TBC1D22A: variants seen among roughly 807,000 people sequenced by gnomAD.
TBC1D22A encodes the protein putative GTPase activator.
In TBC1D22A, 38 loss-of-function variants were observed where a neutral mutation model predicts 60.2. The observed-to-expected ratio is 0.63, with a 90% CI of 0.49 to 0.83. The LOEUF is 0.83. TBC1D22A is among the 40% of genes least tolerant of loss of function. The probability of loss-of-function intolerance (pLI) is 0.00; values close to 1 mark genes in which losing one functional copy is unlikely to be tolerated. For missense variants in TBC1D22A, 628 were observed against 701.0 expected, an observed-to-expected ratio of 0.90 and a Z score of 1.18; for synonymous variants, 302 against 281.7, an observed-to-expected ratio of 1.07 and a Z score of -0.72.
chr22:46,855,887 T>C (rs559436575), intron 4 of TBC1D22A, among the ~76,000 whole-genome samples: 3 of 152,376 alleles, frequency 2.0e-5, no homozygotes, highest in East Asian at 1.9e-4. Flanking sequence ...TGCATACTTA[T>C]CTAAAATTAA....
rs138250731 is a variant in TBC1D22A at position 47,047,288 on chromosome 22, C to T, written c.1329+10090C>T. On this transcript the variant is annotated intron_variant, in intron 11 of 12. Coordinates refer to ENST00000337137, the MANE Select transcript of TBC1D22A (RefSeq NM_014346.5). The stretch of plus-strand genomic sequence containing the variant: ...TTAGAAAGAAAGGAATACACATAGC[C>T]TATTAATGAAGGCTGCATATTAAAT... Among the ~76,000 whole-genome samples, 4 of 152,328 alleles carry T rather than the reference C, an allele frequency of 2.6e-5. No individual in the cohort carries two copies. The East Asian group carries it at 7.7e-4, about 29-fold the overall frequency.
In TBC1D22A at chr22:46,852,764, G is replaced by A. The variant is rs575396108; in HGVS notation, c.638-25889G>A. On this transcript the variant is annotated intron_variant, in intron 4 of 12. Transcript: ENST00000337137. ...CCTCCGTCTGAGCTCCGTCCATCTC[G>A]CCTTGTGTAAAGTTGGCTGTTTCCT... Among the ~76,000 whole-genome samples, 22 of 152,194 alleles carry A rather than the reference G, an allele frequency of 1.4e-4. 1 individual carries two copies. In the South Asian group the frequency reaches 2.3e-3, roughly 16 times the overall value.
In TBC1D22A at chr22:46,846,622, A is replaced by G. The variant is rs560465257; in HGVS notation, c.638-32031A>G. Among the ~76,000 whole-genome samples, 10 of 152,388 alleles carry G rather than the reference A, an allele frequency of 6.6e-5. No homozygotes were observed. In the South Asian group the frequency reaches 2.1e-3, roughly 32 times the overall value. On this transcript the variant is annotated intron_variant, in intron 4 of 12. Transcript: ENST00000337137. ...TTATAAAAAATTTCAAACATGCACA[A>G]AGATCGAGAGAACAGTGCAGTGAAG...
intron 7 of TBC1D22A, among the ~76,000 whole-genome samples, 173 bp downstream of exon 7, chr22:46,895,019 T>TCAGCA (rs2068600578): frequency 1.3e-5 from 2 of 152,192 alleles, no homozygotes; most frequent in African/African-American, 4.8e-5. Context: ...CTTCTATTTG[T>TCAGCA]TCTTTAAATA....
chr22:46,763,150 C>G (rs1485748173), intron 1 of TBC1D22A: 3 of 380,972 alleles, frequency 7.9e-6, no homozygotes, highest in Non-Finnish European at 1.4e-5. Flanking sequence ...CTGGAAGGAA[C>G]TGATTCGGGT....
chr22:46,948,559 C>T (rs567237084), intron 8 of TBC1D22A, among the ~76,000 whole-genome samples: 3 of 152,318 alleles, frequency 2.0e-5, no homozygotes, highest in South Asian at 4.1e-4. Context: ...TGGTCGATAA[C>T]CCTTTGAGTC....
intron 10 of TBC1D22A, among the ~76,000 whole-genome samples, chr22:47,022,986 A>G (rs1357413015): frequency 1.3e-5 from 2 of 152,252 alleles, no homozygotes; most frequent in Non-Finnish European, 2.9e-5. Flanking sequence ...TTTCAAAGGC[A>G]TTGTCAGCCA....
chr22:46,810,545 A>C (rs777734134), intron 4 of TBC1D22A, among the ~76,000 whole-genome samples: 2 of 152,324 alleles, frequency 1.3e-5, no homozygotes, highest in East Asian at 1.9e-4. Context: ...AAATGGCATA[A>C]AATCATCAAA....
chr22:46,826,438 AT>A (rs564123420), intron 4 of TBC1D22A, among the ~76,000 whole-genome samples: 147 of 152,364 alleles, frequency 9.6e-4, no homozygotes, highest in East Asian at 6.4e-3. Flanking sequence ...TTCCAAAGAT[AT>A]GCCTATTTTT....
intron 11 of TBC1D22A, among the ~76,000 whole-genome samples, chr22:47,068,263 T>TTCCC (rs2063847607): frequency 6.6e-6 from 1 of 152,260 alleles, no homozygotes; most frequent in Non-Finnish European, 1.5e-5. Flanking sequence ...CCCAGGGCTC[T>TTCCC]TCCCTCCCTC....
chr22:47,001,895 CA>C (rs2061421849), intron 10 of TBC1D22A, among the ~76,000 whole-genome samples: 2 of 152,096 alleles, frequency 1.3e-5, no homozygotes, highest in Admixed American at 1.3e-4. Context: ...AGCAACTCCA[CA>C]AAAAATAGAA....
intron 4 of TBC1D22A, among the ~76,000 whole-genome samples, chr22:46,864,465 A>G (rs185380952): frequency 1.1e-3 from 167 of 152,290 alleles, no homozygotes; most frequent in African/African-American, 3.8e-3. Flanking sequence ...ACCTTGTTGA[A>G]ATCTGCCAAA....
chr22:46,794,829 G>A (rs552970269), intron 3 of TBC1D22A, among the ~76,000 whole-genome samples: 1 of 152,286 alleles, frequency 6.6e-6, no homozygotes, highest in Admixed American at 6.5e-5. Flanking sequence ...GTGAGGGGCA[G>A]GGGCGAAGTC....
intron 8 of TBC1D22A, among the ~76,000 whole-genome samples, chr22:46,955,817 T>C (rs938386511): frequency 1.3e-5 from 2 of 152,170 alleles, no homozygotes; most frequent in Non-Finnish European, 2.9e-5. Context: ...GGAAAGCAGT[T>C]TGCTGGCCAC....
chr22:47,079,084 C>CATTTTTTTTTTTT (rs1556117651), intron 11 of TBC1D22A, among the ~76,000 whole-genome samples: 3 of 124,962 alleles, frequency 2.4e-5, no homozygotes, highest in African/African-American at 9.0e-5. Flanking sequence ...GTAGAGCAGA[C>CATTTTTTTTTTTT]TTTTTTTTTT....
At chr22:47,068,267 C>G (rs544260871) in intron 11 of TBC1D22A, among the ~76,000 whole-genome samples, 1 of 152,246 alleles carries the variant, frequency 6.6e-6, no homozygotes, top group Non-Finnish European at 1.5e-5. Context: ...GGGCTCTTCC[C>G]TCCCTCTCTG....
chr22:46,911,737 G>A (rs913608908), intron 7 of TBC1D22A, among the ~76,000 whole-genome samples: 1 of 152,038 alleles, frequency 6.6e-6, no homozygotes, highest in East Asian at 1.9e-4. Flanking sequence ...GGCCAACGTG[G>A]CGAAACCCTG....
In TBC1D22A at chr22:46,975,540, C is replaced by T. The variant is rs556440910; in HGVS notation, c.1125+1141C>T. 1.5e-3 allele frequency among the ~76,000 whole-genome samples: 235 copies of T among 152,304 alleles called. 1 individual carries two copies. Among genetic ancestry groups the T allele is most frequent in the African/African-American group, 5.4e-3 (224 of 41,564 alleles). On this transcript the variant is annotated intron_variant, in intron 9 of 12. Transcript: ENST00000337137. The stretch of plus-strand genomic sequence containing the variant: ...GGGTCTGCATGTTCTGCCAGCATCC[C>T]TGTTATCCCAGCTCAAAGGGGGGCC...
At chr22:46,999,707 GAAGAAAAAATTGCTTA>G (rs2075244639) in intron 10 of TBC1D22A, among the ~76,000 whole-genome samples, 1 of 152,024 alleles carries the variant, frequency 6.6e-6, no homozygotes, top group African/African-American at 2.4e-5. Flanking sequence ...GATATTCTAG[GAAGAAAAAATTGCTTA>G]AAGAAAAAAA....
Sources: gnomAD v4.1 joint callset for allele counts (sites outside exome capture counted in the v4.1 genomes callset) on GRCh38, gnomAD v4.1.1 for gene constraint, MANE v1.5 for transcripts, NCBI Gene and HGNC (gene_info 2026-07-23, HGNC 2026-07-21) for gene names.